The following WDR70 variants were observed in gnomAD, a reference collection of about 807,000 sequenced individuals.
WDR70 encodes WD repeat-containing protein 70.
A neutral mutation model predicts 88.6 loss-of-function variants in WDR70; 53 were observed. That is an observed-to-expected ratio of 0.60 (90% confidence interval 0.48 to 0.75). The LOEUF (loss-of-function observed/expected upper bound fraction) is 0.75. Ranked by LOEUF, WDR70 falls within the 30% of genes least tolerant of loss-of-function variation. WDR70 has a pLI of 0.00. For synonymous variants in WDR70, 280 were observed against 270.0 expected (o/e 1.04, Z -0.36); for missense variants, 610 against 823.2 (o/e 0.74, Z 3.17).
chr5:37,466,705 CAAAAAAAAAAAAA>C (rs796359494), intron 7 of WDR70, among the ~76,000 whole-genome samples: 2 of 65,530 alleles, frequency 3.1e-5, no homozygotes, highest in African/African-American at 6.7e-5. Flanking sequence ...GACTCCATCT[CAAAAAAAAAAAAA>C]AAAAAAAAAA....
intron 9 of WDR70, among the ~76,000 whole-genome samples, chr5:37,561,964 GATGCTGTCTC>G (rs1742520065): frequency 6.6e-6 from 1 of 152,220 alleles, no homozygotes; most frequent in African/African-American, 2.4e-5. Flanking sequence ...GGTATTCCAT[GATGCTGTCTC>G]ATGGTCCTGG....
At chr5:37,715,205 T>C (rs1747620764) in intron 13 of WDR70, among the ~76,000 whole-genome samples, 1 of 152,148 alleles carries the variant, frequency 6.6e-6, no homozygotes, top group Non-Finnish European at 1.5e-5. Flanking sequence ...TTTCCCTTAC[T>C]TGGTTTTTCT....
At chr5:37,533,580 C>T (rs1004323955) in intron 9 of WDR70, among the ~76,000 whole-genome samples, 7 of 151,456 alleles carry the variant, frequency 4.6e-5, no homozygotes. Flanking sequence ...AGATTTTGAC[C>T]TTTGTCTTTG....
At chr5:37,569,159 C>A (rs926979372) in intron 9 of WDR70, among the ~76,000 whole-genome samples, 2 of 152,150 alleles carry the variant, frequency 1.3e-5, no homozygotes, top group Admixed American at 6.5e-5. Flanking sequence ...TATGAGAAAG[C>A]ATAGCCAAAA....
At chr5:37,457,772 C>T (rs146527549) in intron 7 of WDR70, among the ~76,000 whole-genome samples, 1 of 152,126 alleles carries the variant, frequency 6.6e-6, no homozygotes, top group South Asian at 2.1e-4. Context: ...TGACCAGTGG[C>T]TGAACTCTAG....
chr5:37,424,392 A>G (rs1226838390), intron 5 of WDR70, among the ~76,000 whole-genome samples: 1 of 133,542 alleles, frequency 7.5e-6, no homozygotes, highest in Non-Finnish European at 1.7e-5. Context: ...GCAAGTGACA[A>G]TTTAATTTTT....
At chr5:37,746,060 A>T (rs182062882) in intron 17 of WDR70, among the ~76,000 whole-genome samples, 7 of 152,358 alleles carry the variant, frequency 4.6e-5, no homozygotes, top group Non-Finnish European at 8.8e-5. Flanking sequence ...AATAACTGAA[A>T]TAATAACAAA....
At chr5:37,562,441 AT>A (rs1222784803) in intron 9 of WDR70, among the ~76,000 whole-genome samples, 2 of 110,962 alleles carry the variant, frequency 1.8e-5, no homozygotes, top group East Asian at 4.9e-4. Flanking sequence ...TTGAGGCTTA[AT>A]TCTCTTTTTT....
At chr5:37,735,471 A>G (rs16903709) in intron 17 of WDR70, among the ~76,000 whole-genome samples, 9,844 of 152,146 alleles carry the variant, frequency 0.065, 407 homozygotes, top group South Asian at 0.16. Context: ...CTTGATCCCT[A>G]ACCTAATGAG....
chr5:37,476,312 T>C (rs930007460), intron 7 of WDR70, among the ~76,000 whole-genome samples: 2 of 152,184 alleles, frequency 1.3e-5, no homozygotes, highest in Non-Finnish European at 2.9e-5. Flanking sequence ...TTTGGATCAT[T>C]AACTACATGT....
At chr5:37,638,621 G>T (rs1387908324) in intron 10 of WDR70, among the ~76,000 whole-genome samples, 1 of 152,170 alleles carries the variant, frequency 6.6e-6, no homozygotes, top group African/African-American at 2.4e-5. Flanking sequence ...AATATGTTAA[G>T]TTCTCAAACT....
At chr5:37,560,735 A>C (rs1742477711) in intron 9 of WDR70, among the ~76,000 whole-genome samples, 1 of 151,768 alleles carries the variant, frequency 6.6e-6, no homozygotes, top group African/African-American at 2.4e-5. Flanking sequence ...CTGGGCCTTC[A>C]CTGGGCCTTC....
Position 37,437,994 on chromosome 5 carries a change from A to G in WDR70, c.552+13A>G. On this transcript the variant is annotated intron_variant, in intron 6 of 17. Transcript: ENST00000265107. ...TGGCACTAAAACAGTAAGTTTAAAA[A>G]TCTAGTTTTTTCCTCTCTCAAATTA... 1 of 1,604,592 alleles carries G rather than the reference A, an allele frequency of 6.2e-7. No homozygotes were observed. The highest frequency in any genetic ancestry group is 8.5e-7 in the Non-Finnish European group (1 of 1,175,460).
At chr5:37,626,368 C>T (rs1412234959) in intron 10 of WDR70, among the ~76,000 whole-genome samples, 1 of 152,150 alleles carries the variant, frequency 6.6e-6, no homozygotes, top group Non-Finnish European at 1.5e-5. Flanking sequence ...CTATTGAGAT[C>T]ATCTTGTGGT....
At chr5:37,716,162 C>T (rs1410913556) in intron 13 of WDR70, among the ~76,000 whole-genome samples, 1 of 152,146 alleles carries the variant, frequency 6.6e-6, no homozygotes, top group Non-Finnish European at 1.5e-5. Flanking sequence ...GTTTGGTTTA[C>T]AGTATGGGTC....
At chr5:37,559,903 C>T (rs976493324) in intron 9 of WDR70, among the ~76,000 whole-genome samples, 1 of 150,622 alleles carries the variant, frequency 6.6e-6, no homozygotes, top group South Asian at 2.1e-4. Flanking sequence ...CTCTTACTGT[C>T]CCTTAATAAC....
chr5:37,681,888 T>C (rs1746446527), intron 10 of WDR70, among the ~76,000 whole-genome samples: 1 of 152,164 alleles, frequency 6.6e-6, no homozygotes, highest in Admixed American at 6.5e-5. Context: ...CCTGAAGTTT[T>C]CTTTTTTTTG....
rs564834350 is a variant in WDR70 at position 37,494,607 on chromosome 5, C to T, written c.840+14620C>T. On this transcript the variant is annotated intron_variant, in intron 8 of 17. Transcript: ENST00000265107. ...AACTGCAAGATAGGAGGTTGTGTGG[C>T]CAGTAAGTGTGATATCTAGAGCCTA... Among the ~76,000 whole-genome samples, 25 of 152,116 alleles carry T rather than the reference C, an allele frequency of 1.6e-4. No individual in the cohort carries two copies. The East Asian group carries it at 3.9e-3, about 23-fold the overall frequency.
chr5:37,540,840 A>G (rs1048478364), intron 9 of WDR70, among the ~76,000 whole-genome samples: 1 of 152,092 alleles, frequency 6.6e-6, no homozygotes, highest in Admixed American at 6.6e-5. Flanking sequence ...TTTTGTCATG[A>G]TTTTCTCACT....
Sources: gnomAD v4.1 joint callset for allele counts (sites outside exome capture counted in the v4.1 genomes callset) on GRCh38, gnomAD v4.1.1 for gene constraint, MANE v1.5 for transcripts, NCBI Gene and HGNC (gene_info 2026-07-23, HGNC 2026-07-21) for gene names.